Variants in AGBL1 observed in about 807,000 individuals in gnomAD.
AGBL1 encodes the protein AGBL carboxypeptidase 1, also known as cytosolic carboxypeptidase 4.
AGBL1 carries 130 observed loss-of-function variants against 118.9 expected under a neutral mutation model. That is an observed-to-expected ratio of 1.09 (90% CI 0.95 to 1.26). AGBL1 has a LOEUF of 1.26. Ranked by LOEUF, AGBL1 falls within the 50% of genes most tolerant of loss-of-function variation. AGBL1 has a pLI of 0.00. For missense variants in AGBL1, 1,584 were observed against 1,298.1 expected (o/e 1.22, Z -3.38); for synonymous variants, 555 against 478.9 (o/e 1.16, Z -2.08).
rs2078336586 is a variant in AGBL1, at chr15:86,224,937, C to T, written c.512C>T (p.Ala171Val). 1.9e-6 allele frequency: 3 copies of T among 1,613,312 alleles called. No homozygotes were observed. The highest frequency in any genetic ancestry group is 2.5e-6 in the Non-Finnish European group (3 of 1,179,494). ...AIRAATEVLAALLKSKSNGRR... is the reference protein window; with the variant it reads ...AIRAATEVLAVLLKSKSNGRR... ...AGGGCAGCCACTGAAGTTTTGGCAG[C>T]ATTGCTGAAATCCAGTAAGCACCTC... The change falls in exon 6 of 23, where the codon GCA (alanine) becomes GTA (valine). Residue 171 changes from alanine (A) to valine (V), a missense_variant. Transcript: ENST00000614907.
intron 23 of AGBL1, among the ~76,000 whole-genome samples, chr15:86,979,144 T>G (rs1039797050): frequency 6.6e-6 from 1 of 152,176 alleles, no homozygotes; most frequent in African/African-American, 2.4e-5. Flanking sequence ...TTCTACACAT[T>G]TTGGTCACTT....
intron 24 of AGBL1, among the ~76,000 whole-genome samples, chr15:87,008,730 A>C (rs974753800): frequency 2.0e-5 from 3 of 152,190 alleles, no homozygotes; most frequent in Non-Finnish European, 4.4e-5. Context: ...ATCCAGGCTG[A>C]AGTGATCTCA....
intron 18 of AGBL1, among the ~76,000 whole-genome samples, chr15:86,502,635 G>T (rs1230082034): frequency 1.3e-5 from 2 of 149,564 alleles, no homozygotes; most frequent in East Asian, 2.0e-4. Flanking sequence ...ATGAACATAT[G>T]CTGGATTTTA....
At chr15:86,662,854 T>C (rs2085569697) in intron 21 of AGBL1, among the ~76,000 whole-genome samples, 3 of 152,210 alleles carry the variant, frequency 2.0e-5, no homozygotes, top group South Asian at 2.1e-4. Flanking sequence ...AGTGAAGATA[T>C]GCCTAGTGGA....
intron 18 of AGBL1, among the ~76,000 whole-genome samples, chr15:86,408,340 C>T (rs1254122879): frequency 1.1e-4 from 17 of 152,210 alleles, no homozygotes; most frequent in Non-Finnish European, 2.5e-4. Flanking sequence ...CCAAACTTCT[C>T]CTTTCAGGCA....
chr15:86,800,894 G>A (rs578122834), intron 22 of AGBL1, among the ~76,000 whole-genome samples: 2 of 152,272 alleles, frequency 1.3e-5, no homozygotes, highest in South Asian at 2.1e-4. Flanking sequence ...ATCAGAAGCA[G>A]CAGTTGCTGA....
intron 6 of AGBL1, among the ~76,000 whole-genome samples, chr15:86,232,976 A>G (rs1472033548): frequency 6.6e-6 from 1 of 152,196 alleles, no homozygotes; most frequent in African/African-American, 2.4e-5. Flanking sequence ...GGAGCACAGC[A>G]CTTGCTAGGC....
intron 21 of AGBL1, among the ~76,000 whole-genome samples, chr15:86,588,101 T>G (rs1286295242): frequency 6.6e-6 from 1 of 152,236 alleles, no homozygotes; most frequent in East Asian, 1.9e-4. Context: ...TATGTTTAAT[T>G]GCACAGTTAG....
intron 18 of AGBL1, among the ~76,000 whole-genome samples, chr15:86,447,426 C>T (rs575512634): frequency 3.3e-5 from 5 of 152,268 alleles, no homozygotes; most frequent in East Asian, 3.9e-4. Flanking sequence ...AAGCTGACAC[C>T]GTGGAAAGCA....
intron 22 of AGBL1, among the ~76,000 whole-genome samples, chr15:86,777,085 C>T (rs1017663108): frequency 4.6e-5 from 7 of 151,784 alleles, no homozygotes; most frequent in Admixed American, 2.0e-4. Context: ...GCAGAGGAAA[C>T]GTTCTAATTT....
At chr15:86,385,390 T>C (rs953430725) in intron 17 of AGBL1, among the ~76,000 whole-genome samples, 2 of 152,200 alleles carry the variant, frequency 1.3e-5, no homozygotes, top group African/African-American at 4.8e-5. Context: ...TTTGGCACCA[T>C]CTGGGGGCTT....
chr15:86,550,227 CAT>C (rs2083646103), intron 20 of AGBL1, among the ~76,000 whole-genome samples: 1 of 151,958 alleles, frequency 6.6e-6, no homozygotes, highest in South Asian at 2.1e-4. Context: ...AGGAACAAAA[CAT>C]ATATGAGACA....
chr15:86,637,264 G>C (rs1446759687), intron 21 of AGBL1, among the ~76,000 whole-genome samples: 1 of 152,182 alleles, frequency 6.6e-6, no homozygotes, highest in African/African-American at 2.4e-5. Context: ...TCCTGATGAA[G>C]AGTGGAGGGT....
chr15:87,024,938 G>A (rs2081709891), intron 24 of AGBL1, among the ~76,000 whole-genome samples: 1 of 151,942 alleles, frequency 6.6e-6, no homozygotes, highest in African/African-American at 2.4e-5. Context: ...ATCCCTTTAT[G>A]ATTAAAACTC....
intron 22 of AGBL1, among the ~76,000 whole-genome samples, chr15:86,872,197 A>C (rs566054274): frequency 6.6e-6 from 1 of 152,346 alleles, no homozygotes; most frequent in East Asian, 1.9e-4. Context: ...AGCTTGTCGC[A>C]TAAATCACAA....
At chr15:86,738,253 C>T (rs373344421) in intron 22 of AGBL1, among the ~76,000 whole-genome samples, 33 of 152,138 alleles carry the variant, frequency 2.2e-4, no homozygotes, top group African/African-American at 7.7e-4. Flanking sequence ...TCCTATGTGA[C>T]AATTACACAG....
At chr15:86,494,345 C>T (rs377221272) in intron 18 of AGBL1, among the ~76,000 whole-genome samples, 2 of 152,178 alleles carry the variant, frequency 1.3e-5, no homozygotes, top group East Asian at 3.9e-4. Flanking sequence ...TCTCCTCCCT[C>T]CTAGAAGATT....
intron 22 of AGBL1, among the ~76,000 whole-genome samples, chr15:86,719,597 T>A (rs146982936): frequency 4.6e-5 from 7 of 152,198 alleles, no homozygotes; most frequent in Non-Finnish European, 7.4e-5. Context: ...AGTCATCCTA[T>A]CCTCCCTCCC....
chr15:86,092,602 G>T (rs893669820), intron 1 of AGBL1, among the ~76,000 whole-genome samples: 1 of 152,124 alleles, frequency 6.6e-6, no homozygotes, highest in Non-Finnish European at 1.5e-5. Context: ...CTCAGTCTTA[G>T]TCCATTTTGT....
Sources: gnomAD v4.1 joint callset for allele counts (sites outside exome capture counted in the v4.1 genomes callset) on GRCh38, gnomAD v4.1.1 for gene constraint, MANE v1.5 for transcripts, NCBI Gene and HGNC (gene_info 2026-07-23, HGNC 2026-07-21) for gene names.